MRC2: variants seen among roughly 807,000 people sequenced by gnomAD.
The protein encoded by MRC2 is mannose receptor C-type 2.
MRC2 carries 84 observed loss-of-function variants against 206.2 expected under a neutral mutation model. The ratio of observed to expected loss-of-function variants is 0.41; its 90% CI spans 0.34 to 0.49. The LOEUF (loss-of-function observed/expected upper bound fraction) is 0.49. MRC2 is among the 20% of genes least tolerant of loss of function. MRC2 has a pLI of 0.31. For missense variants in MRC2, 1,676 were observed against 2,001.5 expected, an observed-to-expected ratio of 0.84 and a Z score of 3.10; for synonymous variants, 798 against 800.0, an observed-to-expected ratio of 1.00 and a Z score of 0.04.
chr17:62,651,644 G>A lies in MRC2; in HGVS notation c.119-12904G>A, dbSNP rs183497069. 1.2e-4 allele frequency among the ~76,000 whole-genome samples: 19 copies of A among 152,236 alleles called. No individual in the cohort carries two copies. The East Asian group carries it at 3.5e-3, about 28-fold the overall frequency. On this transcript the variant is annotated intron_variant, in intron 1 of 29. Coordinates refer to ENST00000303375, the MANE Select transcript of MRC2 (RefSeq NM_006039.5). ...GGCTAGAGTGCAGTGGTGCGATCTGGGCTCACTGTAACCTCCTCCTCCCGG... is the reference window on the plus strand; with the variant it reads ...GGCTAGAGTGCAGTGGTGCGATCTGAGCTCACTGTAACCTCCTCCTCCCGG...
rs767220065 is a variant in MRC2 at position 62,667,493 on chromosome 17, CAAG to C, written c.1084_1086del (p.Lys362del). 5 of 1,612,152 alleles carry C rather than the reference CAAG, an allele frequency of 3.1e-6. No homozygotes were observed. The highest frequency in any genetic ancestry group is 2.2e-5 in the East Asian group (1 of 44,752). On this transcript the variant is annotated inframe_deletion, in exon 6 of 30. Coordinates refer to ENST00000303375, the MANE Select transcript of MRC2 (RefSeq NM_006039.5). This position sits in a 1 kb window ranked among gnomAD's most constrained non-coding sequence, Gnocchi z 4.1. ...GCAGCATCGCGCTGCCCTATGTGTG[CAAG>C]AAGAAGCCCAACGCCACGGCCGAGC...
intron 20 of MRC2, among the ~76,000 whole-genome samples, chr17:62,683,313 A>G (rs1445298296): frequency 6.6e-6 from 1 of 151,850 alleles, no homozygotes; most frequent in Non-Finnish European, 1.5e-5. Context: ...TACTAAAAAT[A>G]CAAAATTAGC....
rs1336692325 is a variant in MRC2, at chr17:62,680,301, C to T, written c.2430C>T (p.Ile810=). ...CACAGCTGGACTGGATCTGCAAGAT[C>T]CCCAGAGGTTGGCCGGAGTGGCGCT... is the stretch of plus-strand genomic sequence containing the variant. ...CDTQLDWICK[I]PRGTDVREPD... is the part of the protein sequence containing the mutation. The change falls in exon 15 of 30, where the codon ATC becomes ATT. Residue 810 remains isoleucine (I), a synonymous_variant. Coordinates refer to ENST00000303375, the MANE Select transcript of MRC2 (RefSeq NM_006039.5). This position sits in a 1 kb window ranked among gnomAD's most constrained non-coding sequence, Gnocchi z 4.8. 3.7e-6 allele frequency: 6 copies of T among 1,613,912 alleles called. No individual in the cohort carries two copies. In the African/African-American group the frequency reaches 5.3e-5, roughly 14 times the overall value.
In MRC2 at chr17:62,678,498, CT is replaced by C; in HGVS notation, c.2053-5del. On this transcript the variant is annotated splice_region_variant and splice_polypyrimidine_tract_variant and intron_variant, in intron 12 of 29. Coordinates refer to ENST00000303375, the MANE Select transcript of MRC2 (RefSeq NM_006039.5). Reference sequence around the variant, plus strand: ...CAGCTTAGACAGCTGGACTCTGCCCCTGCAGGTGTTCAGCTCAGAGCGGCTG... The same window carrying C: ...CAGCTTAGACAGCTGGACTCTGCCCCGCAGGTGTTCAGCTCAGAGCGGCTG... The C allele has an allele frequency of 6.2e-7, 1 of 1,611,818 alleles. No individual in the cohort carries two copies. Among genetic ancestry groups the C allele is most frequent in the Non-Finnish European group, 8.5e-7 (1 of 1,179,270 alleles).
Position 62,675,964 on chromosome 17 carries a change from C to T in MRC2, c.1685+59C>T. The T allele has an allele frequency of 2.1e-6, 3 of 1,439,078 alleles. No individual in the cohort carries two copies. In the South Asian group the frequency reaches 3.5e-5, roughly 17 times the overall value. The allele number at this position is 1,439,078 out of a possible 1,614,324, so 89.1% of individuals were successfully genotyped here. On this transcript the variant is annotated intron_variant, in intron 10 of 29. Coordinates refer to ENST00000303375, the MANE Select transcript of MRC2 (RefSeq NM_006039.5). The surrounding 1 kb of genome is among the most constrained non-coding windows in gnomAD (Gnocchi z 4.1). ...GCCCATGTCTGGGCCTATTGTGGTCCCTTCAGCAAACAGGGTAGCATCTGC... is the reference window on the plus strand; with the variant it reads ...GCCCATGTCTGGGCCTATTGTGGTCTCTTCAGCAAACAGGGTAGCATCTGC...
intron 23 of MRC2, 134 bp from the exon 24 acceptor site, chr17:62,689,388 C>A: frequency 1.6e-6 from 1 of 627,890 alleles, no homozygotes; most frequent in Non-Finnish European, 2.8e-6. Flanking sequence ...ACCTACCAAG[C>A]CTTGGTCTGG....
At chr17:62,681,780 G>A (rs757734555) in intron 18 of MRC2, 57 bp from the exon 19 acceptor site, 40 of 1,387,008 alleles carry the variant, frequency 2.9e-5, no homozygotes, top group Non-Finnish European at 3.4e-5. Context: ...TGCTGCATCC[G>A]GTGGAGGCCC....
At chr17:62,645,527 A>ATAT (rs1555675934) in intron 1 of MRC2, among the ~76,000 whole-genome samples, 17 of 39,542 alleles carry the variant, frequency 4.3e-4, no homozygotes, top group Non-Finnish European at 5.6e-4. Flanking sequence ...ATATATATAT[A>ATAT]TTTTTTTTTT....
intron 6 of MRC2, among the ~76,000 whole-genome samples, chr17:62,670,167 A>G (rs1568063191): frequency 6.6e-6 from 1 of 152,212 alleles, no homozygotes; most frequent in Non-Finnish European, 1.5e-5. Context: ...TGCACGAGGC[A>G]TATTCTAGGC....
chr17:62,643,838 G>A (rs2088440758), intron 1 of MRC2, among the ~76,000 whole-genome samples: 1 of 152,114 alleles, frequency 6.6e-6, no homozygotes, highest in African/African-American at 2.4e-5. Flanking sequence ...ATAATATACA[G>A]CCATTAAGAT....
At chr17:62,685,430 T>C (rs1461433468) in intron 20 of MRC2, among the ~76,000 whole-genome samples, 1 of 152,224 alleles carries the variant, frequency 6.6e-6, no homozygotes, top group Non-Finnish European at 1.5e-5. Flanking sequence ...CTTGTTCTTT[T>C]TCCATCCACT....
intron 11 of MRC2, 41 bp from the exon 12 acceptor site, chr17:62,677,224 TATGA>T (rs747527504): frequency 3.4e-6 from 5 of 1,485,906 alleles, no homozygotes; most frequent in Non-Finnish European, 4.5e-6. Flanking sequence ...AGGACCAGAC[TATGA>T]ATCCTTCTCA....
At position 62,665,369 on chromosome 17, in the gene MRC2, C is replaced by T; in HGVS notation, c.520+420C>T. 1.4e-5 allele frequency among the ~76,000 whole-genome samples: 2 copies of T among 147,842 alleles called. 1 individual carries two copies. The highest frequency in any genetic ancestry group is 4.0e-4 in the East Asian group (2 of 5,002). ...ACTGAGCTGAGATTGCGCCACTGCA[C>T]TGTGCAGCCTGGGTGACAGAGCAAG... On this transcript the variant is annotated intron_variant, in intron 2 of 29. Coordinates refer to ENST00000303375, the MANE Select transcript of MRC2 (RefSeq NM_006039.5).
Position 62,680,741 on chromosome 17 carries a change from G to A in MRC2, c.2474-59G>A. The A allele has an allele frequency of 4.2e-6, 6 of 1,435,130 alleles. No homozygotes were observed. The highest frequency in any genetic ancestry group is 2.9e-5 in the Admixed American group (1 of 34,028). The allele number at this position is 1,435,130 out of a possible 1,614,324, so 88.9% of individuals were successfully genotyped here. ...CCCCGGCCCTGCCGCGCCCGCCTCC[G>A]GGGCCTGGCGTGCAGCCTCTGCCTG... On this transcript the variant is annotated intron_variant, in intron 16 of 29. Transcript: ENST00000303375. This position sits in a 1 kb window ranked among gnomAD's most constrained non-coding sequence, Gnocchi z 4.8.
At chr17:62,674,281 G>T (rs1378110657) in intron 9 of MRC2, 111 bp downstream of exon 9, 56 of 737,770 alleles carry the variant, frequency 7.6e-5, no homozygotes, top group Non-Finnish European at 2.2e-6. Flanking sequence ...CCCTCTCGTC[G>T]GCACCCCCTT....
rs1355522155 is a variant in MRC2 at position 62,666,651 on chromosome 17, C to T, written c.859+32C>T. 1.3e-6 allele frequency: 2 copies of T among 1,492,382 alleles called. No homozygotes were observed. Among genetic ancestry groups the T allele is most frequent in the Non-Finnish European group, 1.8e-6 (2 of 1,112,292 alleles). The allele number at this position is 1,492,382 out of a possible 1,614,324, so 92.4% of individuals were successfully genotyped here. A position where few individuals can be genotyped will look rare whatever the true frequency, so the allele number is the denominator to read the frequency against. ...CGGGGCCTGATGCCTGCTCGTGCCT[C>T]TGGAGGGCCCGGGCCCTTTCCGCTT... On this transcript the variant is annotated intron_variant, in intron 4 of 29. Coordinates refer to ENST00000303375, the MANE Select transcript of MRC2 (RefSeq NM_006039.5). The surrounding 1 kb of genome is among the most constrained non-coding windows in gnomAD (Gnocchi z 5.0).
chr17:62,630,543 C>T (rs978782618), intron 1 of MRC2, among the ~76,000 whole-genome samples: 10 of 151,986 alleles, frequency 6.6e-5, no homozygotes, highest in African/African-American at 1.5e-4. Context: ...CTGGCTGGGC[C>T]GGGGAGAAGG....
intron 9 of MRC2, among the ~76,000 whole-genome samples, chr17:62,674,965 C>T (rs948261325): frequency 6.6e-6 from 1 of 152,170 alleles, no homozygotes; most frequent in Non-Finnish European, 1.5e-5. Context: ...AAGCCTCCCC[C>T]AGAAAATGAG....
intron 1 of MRC2, among the ~76,000 whole-genome samples, chr17:62,645,145 T>C (rs1220031100): frequency 6.6e-6 from 1 of 152,168 alleles, no homozygotes; most frequent in South Asian, 2.1e-4. Context: ...AAAACTATAA[T>C]GTTTCCATAT....
Sources: allele counts gnomAD v4.1 joint callset (sites outside exome capture counted in the v4.1 genomes callset), GRCh38; gene constraint gnomAD v4.1.1; non-coding constraint Gnocchi (gnomAD v3.1); transcripts MANE v1.5; gene names NCBI Gene and HGNC (gene_info 2026-07-23, HGNC 2026-07-21).